The following POU6F2 variants were observed in gnomAD, a reference collection of about 807,000 sequenced individuals.
POU6F2 encodes POU domain, class 6, transcription factor 2.
In POU6F2, 31 loss-of-function variants were observed where a neutral mutation model predicts 71.3. The ratio of observed to expected loss-of-function variants is 0.43; its 90% CI spans 0.33 to 0.59. POU6F2 has a LOEUF of 0.59. POU6F2 is among the 20% of genes least tolerant of loss of function. The pLI, the probability that POU6F2 is intolerant of heterozygous loss-of-function variation, is 0.04. For synonymous variants in POU6F2, 347 were observed against 355.7 expected (o/e 0.98, Z 0.27); for missense variants, 783 against 856.8 (o/e 0.91, Z 1.07).
chr7:39,131,841 A>AT (rs70977461), intron 2 of POU6F2, among the ~76,000 whole-genome samples: 56,802 of 149,736 alleles, frequency 0.38, 11,358 homozygotes, highest in East Asian at 0.68. Flanking sequence ...TTTGTTTTAT[A>AT]TTTTTTTTTT....
chr7:39,230,108 A>C (rs986017416), intron 4 of POU6F2, among the ~76,000 whole-genome samples: 1 of 152,168 alleles, frequency 6.6e-6, no homozygotes, highest in Non-Finnish European at 1.5e-5. Flanking sequence ...TGTCCCTTCC[A>C]TTGCTCCAGT....
At chr7:39,035,753 T>G (rs1311098824) in intron 1 of POU6F2, among the ~76,000 whole-genome samples, 1 of 151,908 alleles carries the variant, frequency 6.6e-6, no homozygotes, top group African/African-American at 2.4e-5. Context: ...AAAGATAACA[T>G]TGCTCCCTAG....
chr7:38,979,828 T>C (rs1235711292), intron 1 of POU6F2, among the ~76,000 whole-genome samples: 1 of 152,138 alleles, frequency 6.6e-6, no homozygotes, highest in Non-Finnish European at 1.5e-5. Flanking sequence ...TGTACTTCAA[T>C]CTCTAATAAG....
chr7:39,278,663 C>T (rs1784505395), intron 4 of POU6F2, among the ~76,000 whole-genome samples: 1 of 152,106 alleles, frequency 6.6e-6, no homozygotes, highest in Non-Finnish European at 1.5e-5. Context: ...GCTGAGAAGT[C>T]CTTGGATTTC....
intron 4 of POU6F2, among the ~76,000 whole-genome samples, chr7:39,237,125 C>A (rs913223126): frequency 6.6e-6 from 1 of 152,178 alleles, no homozygotes; most frequent in Non-Finnish European, 1.5e-5. Flanking sequence ...AGCCCTAAGT[C>A]AGAGCCAACA....
At chr7:39,292,640 G>C (rs1240114010) in intron 4 of POU6F2, among the ~76,000 whole-genome samples, 1 of 152,190 alleles carries the variant, frequency 6.6e-6, no homozygotes. Flanking sequence ...AGGCTAGTCA[G>C]CAAGAGCAAC....
intron 5 of POU6F2, among the ~76,000 whole-genome samples, chr7:39,362,451 G>T (rs1786409525): frequency 6.6e-6 from 1 of 152,100 alleles, no homozygotes; most frequent in Non-Finnish European, 1.5e-5. Context: ...GGAATACTAA[G>T]ATTTACAGAG....
intron 1 of POU6F2, among the ~76,000 whole-genome samples, chr7:39,034,660 G>C (rs971977287): frequency 1.3e-5 from 2 of 152,228 alleles, no homozygotes; most frequent in Non-Finnish European, 1.5e-5. Context: ...GGACACTGCT[G>C]GGTGTGAATC....
At chr7:39,406,454 A>G (rs988774869) in intron 5 of POU6F2, 146 bp from the exon 6 acceptor site, 2 of 838,922 alleles carry the variant, frequency 2.4e-6, no homozygotes, top group Non-Finnish European at 3.7e-6. Context: ...TTCCGGGGGA[A>G]TGTTCGCCAC....
chr7:39,107,683 G>T (rs878864287), intron 2 of POU6F2, among the ~76,000 whole-genome samples: 1 of 151,894 alleles, frequency 6.6e-6, no homozygotes, highest in Admixed American at 6.6e-5. Context: ...ACCACCCCCC[G>T]CCCCCTACAA....
intron 4 of POU6F2, among the ~76,000 whole-genome samples, chr7:39,286,755 CATT>C (rs1784657705): frequency 6.6e-6 from 1 of 152,026 alleles, no homozygotes; most frequent in Non-Finnish European, 1.5e-5. Context: ...GTATCATCAT[CATT>C]GTCATCATCA....
chr7:39,015,420 ATC>A (rs1305831385), intron 1 of POU6F2, among the ~76,000 whole-genome samples: 1 of 125,348 alleles, frequency 8.0e-6, no homozygotes, highest in African/African-American at 3.0e-5. Context: ...TAGATATAAT[ATC>A]TATTATATAT....
At chr7:39,434,679 A>C (rs79849963) in intron 7 of POU6F2, among the ~76,000 whole-genome samples, 6,385 of 151,748 alleles carry the variant, frequency 0.042, 354 homozygotes, top group African/African-American at 0.13. Context: ...AAAAAACACA[A>C]AAAAAAATGA....
chr7:39,244,487 G>A lies in POU6F2; in HGVS notation c.598+36867G>A, dbSNP rs536470980. Among the ~76,000 whole-genome samples, 6 of 152,124 alleles carry A rather than the reference G, an allele frequency of 3.9e-5. No individual in the cohort carries two copies. The East Asian group carries it at 1.2e-3, about 29-fold the overall frequency. The stretch of plus-strand genomic sequence containing the variant: ...ATATTTATGTTTAGAGTCATTGTGG[G>A]GATTAAATACATCAATGTATGAGAA... On this transcript the variant is annotated intron_variant, in intron 4 of 9. Transcript: ENST00000518318.
intron 2 of POU6F2, among the ~76,000 whole-genome samples, chr7:39,144,119 C>G (rs767509916): frequency 6.6e-6 from 1 of 152,030 alleles, no homozygotes; most frequent in Admixed American, 6.6e-5. Flanking sequence ...ACTGAGAATA[C>G]GAAATTGAAC....
chr7:39,420,197 G>A (rs1562545136), intron 6 of POU6F2, among the ~76,000 whole-genome samples: 3 of 152,122 alleles, frequency 2.0e-5, no homozygotes, highest in African/African-American at 7.2e-5. Context: ...AGTTTAGAAT[G>A]GAAGCCTTCT....
chr7:39,233,808 T>C (rs939034242), intron 4 of POU6F2, among the ~76,000 whole-genome samples: 25 of 152,172 alleles, frequency 1.6e-4, no homozygotes, highest in Non-Finnish European at 4.4e-5. Context: ...TTTCAGAAAG[T>C]GTAAAACCCG....
chr7:39,082,486 A>C (rs1881132), intron 1 of POU6F2, among the ~76,000 whole-genome samples: 48,715 of 152,016 alleles, frequency 0.32, 7,989 homozygotes, highest in South Asian at 0.43. Flanking sequence ...ACCGCTGCAG[A>C]GATCCTTGTA....
chr7:39,007,683 A>G (rs77455912), intron 1 of POU6F2, among the ~76,000 whole-genome samples: 45,475 of 149,208 alleles, frequency 0.3, 6,982 homozygotes, highest in South Asian at 0.45. Context: ...CCACTCCCCC[A>G]ACCCCACCAC....
Sources: gnomAD v4.1 joint callset for allele counts (sites outside exome capture counted in the v4.1 genomes callset) on GRCh38, gnomAD v4.1.1 for gene constraint, MANE v1.5 for transcripts, NCBI Gene and HGNC (gene_info 2026-07-23, HGNC 2026-07-21) for gene names.